The following SMIM17 variants were observed in gnomAD, a reference collection of about 807,000 sequenced individuals.
SMIM17 encodes small integral membrane protein 17.
A neutral mutation model predicts 12.2 loss-of-function variants in SMIM17; 10 were observed. The ratio of observed to expected loss-of-function variants is 0.82; its 90% CI spans 0.50 to 1.39. The LOEUF (loss-of-function observed/expected upper bound fraction) is 1.39, where lower values mean the gene tolerates loss of function less well. Ranked by LOEUF, SMIM17 falls within the 40% of genes most tolerant of loss-of-function variation. SMIM17 has a pLI of 0.00. For missense variants in SMIM17, 136 were observed against 118.2 expected (o/e 1.15, Z -0.70); for synonymous variants, 50 against 44.1 (o/e 1.13, Z -0.53).
rs74803802 is a variant in SMIM17, at chr19:56,655,163, C to T, written c.307C>T (p.Leu103Phe). The part of the protein sequence containing the change: ...QTTIVLVVCV[L>F]FLFLVLTGMP... ...AACCATAGTCTTGGTAGTGTGCGTGCTTTTTTTGTTCCTGGTTTTAACGGG... is the reference window on the plus strand; with the variant it reads ...AACCATAGTCTTGGTAGTGTGCGTGTTTTTTTTGTTCCTGGTTTTAACGGG... The change falls in exon 4 of 4, where the codon CTT (leucine) becomes TTT (phenylalanine). Residue 103 changes from leucine to phenylalanine, a missense_variant. Coordinates refer to ENST00000598409, the MANE Select transcript of SMIM17 (RefSeq NM_001193628.2). 1.4e-6 allele frequency: 1 copy of T among 702,506 alleles called. No individual in the cohort carries two copies. The highest frequency in any genetic ancestry group is 2.7e-5 in the East Asian group (1 of 37,256). The allele number at this position is 702,506 out of a possible 1,614,324, so 43.5% of individuals were successfully genotyped here. A position where few individuals can be genotyped will look rare whatever the true frequency, so the allele number is the denominator to read the frequency against.
At position 56,655,050 on chromosome 19, in the gene SMIM17, A is replaced by C. The variant is rs1311314004; in HGVS notation, c.247-53A>C. ...ATAAGTCTATTTTCCTGCAAGTAAC[A>C]ATGGTGGCCCCTTCCTTTCCAATAT... On this transcript the variant is annotated intron_variant, in intron 3 of 3. Transcript: ENST00000598409. 6.6e-6 allele frequency: 4 copies of C among 608,248 alleles called. No individual in the cohort carries two copies. In the East Asian group the frequency reaches 1.1e-4, roughly 17 times the overall value. The allele number at this position is 608,248 out of a possible 1,614,324, so 37.7% of individuals were successfully genotyped here.
At chr19:56,655,005 G>T in intron 3 of SMIM17, 98 bp from the exon 4 acceptor site, 1 of 523,958 alleles carries the variant, frequency 1.9e-6, no homozygotes, top group South Asian at 3.2e-5. Context: ...CTCTTGATAT[G>T]ACATTTCATT....
In SMIM17 at chr19:56,656,980, T is replaced by C. The variant is rs1344653590; in HGVS notation, c.*1767T>C. Among the ~76,000 whole-genome samples, 3 of 152,240 alleles carry C rather than the reference T, an allele frequency of 2.0e-5. No individual in the cohort carries two copies. Among genetic ancestry groups the C allele is most frequent in the African/African-American group, 7.2e-5 (3 of 41,460 alleles). ...GTGCCTGTTAGTTAACTCAGTATCG[T>C]CAATTATATTGTTCAGATTCATGTG... On this transcript the variant is annotated 3_prime_UTR_variant, in exon 4 of 4. Coordinates refer to ENST00000598409, the MANE Select transcript of SMIM17 (RefSeq NM_001193628.2).
intron 2 of SMIM17, 106 bp from the exon 3 acceptor site, chr19:56,647,452 G>GAGAGAGAGAGAGAGAGA: frequency 1.6e-6 from 1 of 638,112 alleles, no homozygotes; most frequent in African/African-American, 2.3e-5. Context: ...AGAGAGAGAG[G>GAGAGAGAGAGAGAGAGA]AGGCTATTAC....
intron 3 of SMIM17, 77 bp from the exon 4 acceptor site, chr19:56,655,026 T>C (rs2045138558): frequency 8.7e-6 from 5 of 574,024 alleles, no homozygotes; most frequent in Non-Finnish European, 1.6e-5. Context: ...TCTGATCATA[T>C]AAGTCTATTT....
At chr19:56,644,401 C>T (rs761026747) in intron 1 of SMIM17, among the ~76,000 whole-genome samples, 1 of 152,208 alleles carries the variant, frequency 6.6e-6, no homozygotes, top group Non-Finnish European at 1.5e-5. Flanking sequence ...GGGTCTAATT[C>T]AGCCCCACAA....
At chr19:56,648,123 T>C (rs943292980) in intron 3 of SMIM17, among the ~76,000 whole-genome samples, 1 of 131,658 alleles carries the variant, frequency 7.6e-6, no homozygotes, top group African/African-American at 3.0e-5. Flanking sequence ...TTCATCTGTT[T>C]ATCCACTTAT....
At position 56,647,456 on chromosome 19, in the gene SMIM17, C is replaced by G. The variant is rs2148039612; in HGVS notation, c.170-102C>G. On this transcript the variant is annotated intron_variant, in intron 2 of 3. Transcript: ENST00000598409. Reference sequence around the variant, plus strand: ...GAGAGAGAGAGAGAGAGAGAGGAGGCTATTACTAGAAAAGGGACAAGATGC... The same window carrying G: ...GAGAGAGAGAGAGAGAGAGAGGAGGGTATTACTAGAAAAGGGACAAGATGC... 4 of 676,240 alleles carry G rather than the reference C, an allele frequency of 5.9e-6. No homozygotes were observed. In the East Asian group the frequency reaches 8.9e-5, roughly 15 times the overall value. 41.9% of individuals were successfully genotyped at this position (676,240 alleles called of 1,614,324 possible).
intron 3 of SMIM17, among the ~76,000 whole-genome samples, chr19:56,653,104 G>A (rs1045613585): frequency 2.6e-5 from 4 of 152,172 alleles, no homozygotes; most frequent in African/African-American, 7.2e-5. Context: ...ATGTACATCC[G>A]TGTAACCAAC....
chr19:56,645,614 G>A lies in SMIM17; in HGVS notation c.-54G>A, dbSNP rs1341024371. ...GCCTGGAGAACCAGAGAGGACCCTG[G>A]AGCAGGAGGAGAAAGAGAAGCTTGT... is the stretch of plus-strand genomic sequence containing the variant. On this transcript the variant is annotated 5_prime_UTR_variant, in exon 2 of 4. Coordinates refer to ENST00000598409, the MANE Select transcript of SMIM17 (RefSeq NM_001193628.2). 1 of 1,423,858 alleles carries A rather than the reference G, an allele frequency of 7.0e-7. No individual in the cohort carries two copies. The highest frequency in any genetic ancestry group is 9.2e-7 in the Non-Finnish European group (1 of 1,091,056). The allele number at this position is 1,423,858 out of a possible 1,614,324, so 88.2% of individuals were successfully genotyped here.
At chr19:56,643,416 C>A (rs1285394548) in intron 1 of SMIM17, among the ~76,000 whole-genome samples, 1 of 152,170 alleles carries the variant, frequency 6.6e-6, no homozygotes, top group Admixed American at 6.5e-5. Context: ...GGACCGGGGT[C>A]TGTCGGGGTC....
At position 56,655,375 on chromosome 19, in the gene SMIM17, G is replaced by A; in HGVS notation, c.*162G>A. ...GATTTTTAAAAAATTTTTGGTGTGA[G>A]TTTTCACATACTTTATTTCCATGAA... is the stretch of plus-strand genomic sequence containing the variant. On this transcript the variant is annotated 3_prime_UTR_variant, in exon 4 of 4. Transcript: ENST00000598409. The A allele has an allele frequency of 6.1e-6, 3 of 495,310 alleles. No homozygotes were observed. Among genetic ancestry groups the A allele is most frequent in the Non-Finnish European group, 1.1e-5 (3 of 279,818 alleles). The allele number at this position is 495,310 out of a possible 1,614,324, so 30.7% of individuals were successfully genotyped here. A position where few individuals can be genotyped will look rare whatever the true frequency, so the allele number is the denominator to read the frequency against.
intron 1 of SMIM17, among the ~76,000 whole-genome samples, chr19:56,644,020 C>A (rs980131556): frequency 1.3e-5 from 2 of 152,010 alleles, no homozygotes; most frequent in South Asian, 4.1e-4. Flanking sequence ...CTCCTCCCCC[C>A]ACCATACCTC....
Position 56,656,318 on chromosome 19 carries a change from T to G in SMIM17, c.*1105T>G, listed in dbSNP as rs1277167873. Among the ~76,000 whole-genome samples, 1 of 152,274 alleles carries G rather than the reference T, an allele frequency of 6.6e-6. No individual in the cohort carries two copies. Among genetic ancestry groups the G allele is most frequent in the African/African-American group, 2.4e-5 (1 of 41,568 alleles). On this transcript the variant is annotated 3_prime_UTR_variant, in exon 4 of 4. Coordinates refer to ENST00000598409, the MANE Select transcript of SMIM17 (RefSeq NM_001193628.2). The stretch of plus-strand genomic sequence containing the variant: ...ATATTATTAGCTTAATTATGCATAA[T>G]GTTTTATAATTAAAAATTTCTCTTT...
rs2045148543 is a variant in SMIM17 at position 56,656,038 on chromosome 19, G to C, written c.*825G>C. ...GCCATCTCGGCTCACTGTAAGCAGA[G>C]GGTTCATGCCATTCTCCTGCCTCAG... On this transcript the variant is annotated 3_prime_UTR_variant, in exon 4 of 4. Coordinates refer to ENST00000598409, the MANE Select transcript of SMIM17 (RefSeq NM_001193628.2). Among the ~76,000 whole-genome samples the C allele has an allele frequency of 6.7e-6, 1 of 149,606 alleles. No individual in the cohort carries two copies. Among genetic ancestry groups the C allele is most frequent in the Non-Finnish European group, 1.5e-5 (1 of 67,700 alleles).
intron 3 of SMIM17, among the ~76,000 whole-genome samples, chr19:56,654,367 C>T (rs561823938): frequency 2.6e-5 from 4 of 152,284 alleles, no homozygotes; most frequent in Admixed American, 6.5e-5. Flanking sequence ...CAAGGAATGA[C>T]GTCAGCGTTA....
chr19:56,647,905 T>A (rs561665058), intron 3 of SMIM17, among the ~76,000 whole-genome samples: 7 of 152,010 alleles, frequency 4.6e-5, no homozygotes, highest in Non-Finnish European at 8.8e-5. Flanking sequence ...CACTTATTCA[T>A]CAACCCTCCC....
At chr19:56,654,289 T>C (rs2045131534) in intron 3 of SMIM17, among the ~76,000 whole-genome samples, 1 of 152,162 alleles carries the variant, frequency 6.6e-6, no homozygotes, top group Non-Finnish European at 1.5e-5. Context: ...AGGAAGGGCA[T>C]TCCAGGAAGA....
chr19:56,648,480 CA>C (rs2045085524), intron 3 of SMIM17, among the ~76,000 whole-genome samples: 1 of 152,182 alleles, frequency 6.6e-6, no homozygotes, highest in Non-Finnish European at 1.5e-5. Context: ...CAGATGCCAT[CA>C]ATCCATCTGT....
Sources: allele counts gnomAD v4.1 joint callset (sites outside exome capture counted in the v4.1 genomes callset), GRCh38; gene constraint gnomAD v4.1.1; transcripts MANE v1.5; gene names NCBI Gene and HGNC (gene_info 2026-07-23, HGNC 2026-07-21).